SORCS1: variants seen among roughly 807,000 people sequenced by gnomAD.
The protein encoded by SORCS1 is sortilin related VPS10 domain containing receptor 1, also known as VPS10 domain-containing receptor SorCS1.
In SORCS1, 60 loss-of-function variants were observed where a neutral mutation model predicts 146.1. The observed-to-expected ratio is 0.41, with a 90% CI of 0.33 to 0.51. The LOEUF (loss-of-function observed/expected upper bound fraction) is 0.51. Ranked by LOEUF, SORCS1 falls within the 20% of genes least tolerant of loss-of-function variation. The pLI, the probability that SORCS1 is intolerant of heterozygous loss-of-function variation, is 0.21. For missense variants in SORCS1, 1,352 were observed against 1,487.6 expected, an observed-to-expected ratio of 0.91 and a Z score of 1.50; for synonymous variants, 637 against 584.0, an observed-to-expected ratio of 1.09 and a Z score of -1.31.
chr10:106,607,246 G>A lies in SORCS1; in HGVS notation c.3085C>T (p.Pro1029Ser). The A allele has an allele frequency of 6.2e-7, 1 of 1,614,108 alleles. No homozygotes were observed. The highest frequency in any genetic ancestry group is 8.5e-7 in the Non-Finnish European group (1 of 1,179,982). Residue 1029 changes from proline to serine, a missense_variant, in exon 23 of 26, where the codon CCC becomes TCC. Pro to Ser is a moderately conservative substitution (Grantham distance 74). Around this residue, in one of 3 missense-constraint regions of SORCS1, gnomAD observed 214 missense variants for 204.8 expected, o/e 1.05. Transcript: ENST00000263054. ...AGGACAAAGAGTTCAGCAGTGGTGG[G>A]TAAGCCAGGGAGCACCGCCACCAGG... ...HILVAVLPGLPTTAELFVLPY... is the reference protein window; with the variant it reads ...HILVAVLPGLSTTAELFVLPY...
intron 1 of SORCS1, among the ~76,000 whole-genome samples, chr10:107,138,169 T>A (rs191371379): frequency 5.6e-4 from 85 of 152,272 alleles, no homozygotes; most frequent in African/African-American, 1.7e-3. Flanking sequence ...AAAGAATGAA[T>A]CCTCTATCTC....
chr10:106,853,300 G>C (rs889907630), intron 2 of SORCS1, among the ~76,000 whole-genome samples: 1 of 151,824 alleles, frequency 6.6e-6, no homozygotes, highest in African/African-American at 2.4e-5. Flanking sequence ...AGTATCCATA[G>C]GATCTGTAGT....
intron 2 of SORCS1, among the ~76,000 whole-genome samples, chr10:106,925,200 T>G (rs1952954037): frequency 6.6e-6 from 1 of 152,158 alleles, no homozygotes; most frequent in South Asian, 2.1e-4. Flanking sequence ...TGTTTGTTTT[T>G]TTTTTGTACA....
chr10:107,159,733 C>T (rs915198249), intron 1 of SORCS1, among the ~76,000 whole-genome samples: 2 of 152,020 alleles, frequency 1.3e-5, no homozygotes, highest in Non-Finnish European at 2.9e-5. Flanking sequence ...AATCACACCA[C>T]ATTAGCATTC....
At chr10:106,975,121 T>C (rs1274535734) in intron 1 of SORCS1, among the ~76,000 whole-genome samples, 4 of 152,194 alleles carry the variant, frequency 2.6e-5, no homozygotes, top group African/African-American at 9.7e-5. Context: ...TCAGGGAGTT[T>C]CTCAATTATC....
In SORCS1 at chr10:106,801,559, C is replaced by T. The variant is rs822003; in HGVS notation, c.727-24867G>A. Among the ~76,000 whole-genome samples, 270 of 136,738 alleles carry T rather than the reference C, an allele frequency of 2.0e-3. 7 individuals carry two copies. The East Asian group carries it at 0.05, about 25-fold the overall frequency. The allele number at this position is 136,738 out of a possible 152,430, so 89.7% of individuals were successfully genotyped here. On this transcript the variant is annotated intron_variant, in intron 3 of 25. Coordinates refer to ENST00000263054, the MANE Select transcript of SORCS1 (RefSeq NM_052918.5). ...TTTTTTTTTTTTTGAGACGGAGTCT[C>T]GCTCTGTCTCCCAGGCTGGAGTGCA... is the stretch of plus-strand genomic sequence containing the variant.
the SORCS1 span, among the ~76,000 whole-genome samples, chr10:107,177,451 G>T: frequency 6.6e-6 from 1 of 151,994 alleles, no homozygotes; most frequent in Non-Finnish European, 1.5e-5. Flanking sequence ...TCTCATCACC[G>T]CAAAGATCTT....
chr10:106,843,973 C>A (rs1949186117), intron 2 of SORCS1, among the ~76,000 whole-genome samples: 1 of 152,154 alleles, frequency 6.6e-6, no homozygotes, highest in Admixed American at 6.5e-5. Flanking sequence ...GGAGCCACCA[C>A]ATTGTTTTCC....
At chr10:106,578,753 G>T in intron 25 of SORCS1, 1 of 1,119,424 alleles carries the variant, frequency 8.9e-7, no homozygotes. Context: ...ACCAGCCTTA[G>T]CCTCTGAGGC....
At chr10:107,130,794 A>G (rs1966858895) in intron 1 of SORCS1, among the ~76,000 whole-genome samples, 1 of 152,080 alleles carries the variant, frequency 6.6e-6, no homozygotes, top group African/African-American at 2.4e-5. Context: ...AAATACATAA[A>G]TGAAATTTAC....
chr10:106,696,175 C>A (rs751168382), intron 9 of SORCS1, among the ~76,000 whole-genome samples: 40 of 152,186 alleles, frequency 2.6e-4, no homozygotes, highest in Admixed American at 1.4e-3. Flanking sequence ...TCTTCAGTCA[C>A]CCCAAATGTG....
chr10:107,117,639 C>A (rs755745629), intron 1 of SORCS1, among the ~76,000 whole-genome samples: 1 of 152,194 alleles, frequency 6.6e-6, no homozygotes, highest in Non-Finnish European at 1.5e-5. Context: ...ATTCTTGACC[C>A]TTAATTCCTT....
At chr10:106,907,948 T>A (rs1270468197) in intron 2 of SORCS1, among the ~76,000 whole-genome samples, 1 of 152,082 alleles carries the variant, frequency 6.6e-6, no homozygotes, top group African/African-American at 2.4e-5. Context: ...ATACTGAAAT[T>A]ACTTTCTTGG....
chr10:106,918,902 T>C (rs1435707849), intron 2 of SORCS1, among the ~76,000 whole-genome samples: 1 of 152,118 alleles, frequency 6.6e-6, no homozygotes, highest in Non-Finnish European at 1.5e-5. Context: ...AGTGGCATGA[T>C]CTTGGCTCAC....
At chr10:106,629,160 A>G (rs1167361351) in intron 19 of SORCS1, 42 bp downstream of exon 19, 4 of 1,541,310 alleles carry the variant, frequency 2.6e-6, no homozygotes, top group African/African-American at 1.4e-5. Context: ...AAAGGACACA[A>G]TATTTAAGAT....
intron 19 of SORCS1, 74 bp downstream of exon 19, chr10:106,629,128 T>G: frequency 7.3e-7 from 1 of 1,368,996 alleles, no homozygotes; most frequent in Non-Finnish European, 1.0e-6. Flanking sequence ...CTTCTAGATA[T>G]AAAATTGTGA....
intron 1 of SORCS1, among the ~76,000 whole-genome samples, chr10:107,144,420 A>G (rs1247781788): frequency 6.6e-6 from 1 of 152,228 alleles, no homozygotes; most frequent in East Asian, 1.9e-4. Flanking sequence ...ACATGCATCC[A>G]TATTTTTAAC....
At chr10:106,649,854 T>A (rs576224636) in intron 18 of SORCS1, among the ~76,000 whole-genome samples, 1 of 152,320 alleles carries the variant, frequency 6.6e-6, no homozygotes, top group South Asian at 2.1e-4. Flanking sequence ...CTTTCTTCCA[T>A]TTAACTTCTA....
the SORCS1 span, among the ~76,000 whole-genome samples, chr10:107,173,247 G>A: frequency 6.6e-6 from 1 of 152,170 alleles, no homozygotes; most frequent in East Asian, 1.9e-4. Flanking sequence ...ATGAAGAGAT[G>A]TAGGTCACGG....
Sources: gnomAD v4.1 joint callset for allele counts (sites outside exome capture counted in the v4.1 genomes callset) on GRCh38, gnomAD v4.1.1 for gene constraint, gnomAD v4.1.1 regional missense constraint, MANE v1.5 for transcripts, NCBI Gene and HGNC (gene_info 2026-07-23, HGNC 2026-07-21) for gene names.